TRPM3: variants seen among roughly 807,000 people sequenced by gnomAD.
TRPM3 encodes the protein long transient receptor potential channel 3.
A neutral mutation model predicts 181.2 loss-of-function variants in TRPM3; 77 were observed. That is an observed-to-expected ratio of 0.42 (90% confidence interval 0.35 to 0.51). The LOEUF (loss-of-function observed/expected upper bound fraction) is 0.51. Among genes scored for constraint, TRPM3 ranks in the 20% least tolerant of loss-of-function variants. TRPM3 has a pLI of 0.01. For synonymous variants in TRPM3, 745 were observed against 796.4 expected (o/e 0.94, Z 1.09); for missense variants, 1,759 against 2,196.7 (o/e 0.80, Z 3.98).
intron 1 of TRPM3, among the ~76,000 whole-genome samples, chr9:71,284,825 G>A (rs1469993340): frequency 1.3e-5 from 2 of 152,108 alleles, no homozygotes; most frequent in African/African-American, 4.8e-5. Flanking sequence ...AATAAAAAAG[G>A]CTATTCACTC....
chr9:71,245,418 T>A (rs1362021715), intron 1 of TRPM3, among the ~76,000 whole-genome samples: 1 of 139,184 alleles, frequency 7.2e-6, no homozygotes, highest in Non-Finnish European at 1.5e-5. Context: ...CACTCCAGTC[T>A]GGGTGAGAGA....
rs181233060 is a variant in TRPM3, at chr9:71,361,768, A to T, written c.183+84885T>A. 2.0e-3 allele frequency among the ~76,000 whole-genome samples: 305 copies of T among 152,316 alleles called. 4 individuals are homozygous for T. The highest frequency in any genetic ancestry group is 2.2e-4 in the Non-Finnish European group (15 of 68,014). ...TGTATGAAATTGCTCTAAACTTTTC[A>T]GTCTATACTACACTGTAATTTCCAC... On this transcript the variant is annotated intron_variant, in intron 1 of 24. Transcript: ENST00000357533.
chr9:71,327,623 A>G (rs1489534005), intron 1 of TRPM3, among the ~76,000 whole-genome samples: 1 of 152,212 alleles, frequency 6.6e-6, no homozygotes, highest in Non-Finnish European at 1.5e-5. Flanking sequence ...GTGTTTCAAA[A>G]TGTTTAAATA....
chr9:71,259,507 A>G (rs1351186990), intron 1 of TRPM3, among the ~76,000 whole-genome samples: 1 of 152,242 alleles, frequency 6.6e-6, no homozygotes, highest in African/African-American at 2.4e-5. Flanking sequence ...TATTCCTACC[A>G]ACAGCCTAAA....
chr9:71,432,323 C>CTTTTTTTTTTTTTTTT (rs67905820), intron 1 of TRPM3, among the ~76,000 whole-genome samples: 45 of 76,650 alleles, frequency 5.9e-4, no homozygotes, highest in Non-Finnish European at 9.5e-4. Context: ...AAAAGTAGGA[C>CTTTTTTTTTTTTTTTT]TTTTTTTTTT....
intron 1 of TRPM3, among the ~76,000 whole-genome samples, chr9:70,983,504 A>G (rs1237685710): frequency 6.6e-6 from 1 of 152,236 alleles, no homozygotes; most frequent in Non-Finnish European, 1.5e-5. Flanking sequence ...GTGGAAATAA[A>G]CAGAGCATGC....
At chr9:71,145,018 G>A (rs1385184803) in intron 1 of TRPM3, among the ~76,000 whole-genome samples, 1 of 152,096 alleles carries the variant, frequency 6.6e-6, no homozygotes, top group Non-Finnish European at 1.5e-5. Flanking sequence ...AAGTTATAAT[G>A]AGATAACATT....
At chr9:71,238,509 C>T (rs925856572) in intron 1 of TRPM3, among the ~76,000 whole-genome samples, 1 of 152,150 alleles carries the variant, frequency 6.6e-6, no homozygotes, top group Non-Finnish European at 1.5e-5. Flanking sequence ...TTCTCAAGCT[C>T]CCACTGCTCC....
At position 70,864,157 on chromosome 9, in the gene TRPM3, C is replaced by G. The variant is rs1015007955; in HGVS notation, c.257+275G>C. Among the ~76,000 whole-genome samples the G allele has an allele frequency of 4.6e-5, 7 of 151,776 alleles. No individual in the cohort carries two copies. The East Asian group carries it at 5.8e-4, about 13-fold the overall frequency. On this transcript the variant is annotated intron_variant, in intron 2 of 25. Transcript: ENST00000677713. ...GTACTTAAAAGGAAAAACCAATAACCATAACAAAAAACATAATCCACTGTT... is the reference window on the plus strand; with the variant it reads ...GTACTTAAAAGGAAAAACCAATAACGATAACAAAAAACATAATCCACTGTT...
chr9:70,870,006 G>A (rs1351738169), intron 1 of TRPM3, among the ~76,000 whole-genome samples: 5 of 152,010 alleles, frequency 3.3e-5, no homozygotes, highest in Non-Finnish European at 1.5e-5. Flanking sequence ...GAGTATATGA[G>A]CACTTCATCT....
chr9:70,953,590 G>T (rs2097029538), intron 1 of TRPM3, among the ~76,000 whole-genome samples: 1 of 152,020 alleles, frequency 6.6e-6, no homozygotes, highest in Non-Finnish European at 1.5e-5. Context: ...CGTAAAAATG[G>T]TATTATTTAA....
At position 71,033,974 on chromosome 9, in the gene TRPM3, T is replaced by C. The variant is rs1229668888; in HGVS notation, c.177+87204A>G. Among the ~76,000 whole-genome samples the C allele has an allele frequency of 2.6e-5, 4 of 152,180 alleles. No individual in the cohort carries two copies. The East Asian group carries it at 7.7e-4, about 29-fold the overall frequency. The stretch of plus-strand genomic sequence containing the variant: ...CACTGGGACTGTGTAGACATGCTAA[T>C]GAAACTAACACGCACATCTTAGGGA... On this transcript the variant is annotated intron_variant, in intron 1 of 25. Transcript: ENST00000677713.
intron 22 of TRPM3, among the ~76,000 whole-genome samples, chr9:70,585,169 A>G (rs901117622): frequency 6.6e-6 from 1 of 152,216 alleles, no homozygotes; most frequent in African/African-American, 2.4e-5. Context: ...CATCACTGCA[A>G]TTGGTTTTTG....
At chr9:71,209,227 A>G (rs2079318600) in intron 1 of TRPM3, among the ~76,000 whole-genome samples, 1 of 152,118 alleles carries the variant, frequency 6.6e-6, no homozygotes, top group South Asian at 2.1e-4. Context: ...GCATTTTTAT[A>G]AGCAAAATGA....
intron 1 of TRPM3, among the ~76,000 whole-genome samples, chr9:71,442,769 A>C (rs2094151592): frequency 6.6e-6 from 1 of 152,250 alleles, no homozygotes; most frequent in Non-Finnish European, 1.5e-5. Context: ...AAATACACAC[A>C]TGCTGTGGTG....
intron 1 of TRPM3, among the ~76,000 whole-genome samples, chr9:71,114,212 T>C (rs1388176945): frequency 6.6e-6 from 1 of 152,158 alleles, no homozygotes; most frequent in Non-Finnish European, 1.5e-5. Context: ...AACTCATCAA[T>C]GATATCCCTA....
At chr9:71,399,521 C>CTTTTTTTTTTTTTT (rs1415739241) in intron 1 of TRPM3, among the ~76,000 whole-genome samples, 1 of 107,518 alleles carries the variant, frequency 9.3e-6, no homozygotes, top group Admixed American at 9.8e-5. Context: ...CTTATATTTT[C>CTTTTTTTTTTTTTT]TTTTGTTTTT....
chr9:70,761,638 A>G lies in TRPM3; in HGVS notation c.1235T>C (p.Phe412Ser). ...CTTCATGCACTCCATGAGGATGATG[A>G]ACAGATGCTGAGCTTGGGTTCGAGT... is the stretch of plus-strand genomic sequence containing the variant. Reference protein sequence around the residue: ...TYTRTQAQHLFIILMECMKKK... With the variant: ...TYTRTQAQHLSIILMECMKKK... Residue 412 changes from phenylalanine (F) to serine (S), a missense_variant, in exon 8 of 26, where the codon TTC becomes TCC. Transcript: ENST00000677713. The G allele has an allele frequency of 6.2e-7, 1 of 1,614,024 alleles. No homozygotes were observed. Among genetic ancestry groups the G allele is most frequent in the Non-Finnish European group, 8.5e-7 (1 of 1,179,954 alleles).
intron 1 of TRPM3, among the ~76,000 whole-genome samples, chr9:71,258,660 T>A (rs1389922244): frequency 6.6e-6 from 1 of 152,234 alleles, no homozygotes; most frequent in East Asian, 1.9e-4. Flanking sequence ...TATGTTCCTG[T>A]GCGATTGCTG....
Sources: gnomAD v4.1 joint callset for allele counts (sites outside exome capture counted in the v4.1 genomes callset) on GRCh38, gnomAD v4.1.1 for gene constraint, MANE v1.5 for transcripts, NCBI Gene and HGNC (gene_info 2026-07-23, HGNC 2026-07-21) for gene names.